The following COL21A1 variants were observed in gnomAD, a reference collection of about 807,000 sequenced individuals.
The protein encoded by COL21A1 is collagen alpha-1(XXI) chain.
In COL21A1, 149 loss-of-function variants were observed where a neutral mutation model predicts 137.9. That is an observed-to-expected ratio of 1.08 (90% CI 0.95 to 1.24). The LOEUF is 1.24. Among genes scored for constraint, COL21A1 ranks in the 50% most tolerant of loss-of-function variants. The probability of loss-of-function intolerance (pLI) is 0.00; values close to 1 mark genes in which losing one functional copy is unlikely to be tolerated. For missense variants in COL21A1, 1,167 were observed against 1,158.4 expected, an observed-to-expected ratio of 1.01 and a Z score of -0.11; for synonymous variants, 456 against 391.5, an observed-to-expected ratio of 1.16 and a Z score of -1.95.
At chr6:56,152,001 G>A (rs735113) in intron 10 of COL21A1, among the ~76,000 whole-genome samples, 5,364 of 152,202 alleles carry the variant, frequency 0.035, 243 homozygotes, top group African/African-American at 0.1. Flanking sequence ...ACAGGATTTG[G>A]GCTGATGTAT....
intron 1 of COL21A1, among the ~76,000 whole-genome samples, chr6:56,365,985 C>A (rs1287583777): frequency 6.6e-6 from 1 of 152,026 alleles, no homozygotes; most frequent in African/African-American, 2.4e-5. Flanking sequence ...TTGGAAAACC[C>A]AAATGTCACA....
At chr6:56,223,822 G>A (rs923645064) in intron 1 of COL21A1, among the ~76,000 whole-genome samples, 1 of 152,028 alleles carries the variant, frequency 6.6e-6, no homozygotes, top group Non-Finnish European at 1.5e-5. Flanking sequence ...CTTATGAGAA[G>A]TAAATTAATT....
At chr6:56,077,481 A>G in intron 18 of COL21A1, 48 bp downstream of exon 18, 1 of 1,255,026 alleles carries the variant, frequency 8.0e-7, no homozygotes, top group Non-Finnish European at 1.1e-6. Flanking sequence ...ACAACAATGC[A>G]TTAAATGAGC....
intron 3 of COL21A1, among the ~76,000 whole-genome samples, chr6:56,173,141 T>C (rs1245532669): frequency 6.6e-6 from 1 of 152,082 alleles, no homozygotes; most frequent in East Asian, 1.9e-4. Flanking sequence ...CTATATACTA[T>C]CTATGAAAGA....
intron 16 of COL21A1, among the ~76,000 whole-genome samples, chr6:56,106,793 G>GTT (rs200099516): frequency 0.15 from 22,885 of 148,520 alleles, 1,756 homozygotes; most frequent in Middle Eastern, 0.22. Context: ...CATTATACAA[G>GTT]TTTTTTTTTT....
At chr6:56,175,411 C>CA (rs568736973) in intron 3 of COL21A1, among the ~76,000 whole-genome samples, 8 of 150,190 alleles carry the variant, frequency 5.3e-5, no homozygotes, top group South Asian at 2.1e-4. Context: ...GACTCCATGC[C>CA]AAAAAAAATG....
intron 17 of COL21A1, among the ~76,000 whole-genome samples, chr6:56,094,123 T>A (rs1245908424): frequency 6.6e-6 from 1 of 152,108 alleles, no homozygotes; most frequent in African/African-American, 2.4e-5. Flanking sequence ...TATCTTTTTC[T>A]CCTCACACTT....
At chr6:56,064,282 T>A (rs1766049541) in intron 24 of COL21A1, among the ~76,000 whole-genome samples, 1 of 152,006 alleles carries the variant, frequency 6.6e-6, no homozygotes, top group Non-Finnish European at 1.5e-5. Flanking sequence ...CTCTGGCCAA[T>A]AACTACCCCC....
At chr6:56,290,498 G>GTTTTTTTTTTTTTTTTTTTTTTTT (rs371058894) in intron 1 of COL21A1, among the ~76,000 whole-genome samples, 1 of 132,960 alleles carries the variant, frequency 7.5e-6, no homozygotes, top group Admixed American at 8.2e-5. Context: ...TCACTTAGGA[G>GTTTTTTTTTTTTTTTTTTTTTTTT]ATTTTTTTTT....
intron 26 of COL21A1, 42 bp from the exon 27 acceptor site, chr6:56,060,837 CATGAGCAAAA>C (rs1562133120): frequency 1.3e-6 from 2 of 1,585,090 alleles, no homozygotes; most frequent in Admixed American, 3.9e-5. Flanking sequence ...ACATAAAGAA[CATGAGCAAAA>C]ATCAATGAAA....
intron 3 of COL21A1, 119 bp from the exon 4 acceptor site, chr6:56,171,247 T>C (rs1777027321): frequency 8.6e-6 from 5 of 584,770 alleles, no homozygotes; most frequent in Middle Eastern, 4.8e-4. Context: ...AAAATCTACA[T>C]ATGTATACAA....
In COL21A1 at chr6:56,236,071, A is replaced by T. The variant is rs187165647; in HGVS notation, c.-39+11316T>A. ...TACATTGAGGAAAGAATACGGCTAC[A>T]TCCTTTCTATTAAGCAACCAATGGC... On this transcript the variant is annotated intron_variant, in intron 1 of 29. Coordinates refer to ENST00000244728, the MANE Select transcript of COL21A1 (RefSeq NM_030820.4). 2.6e-5 allele frequency among the ~76,000 whole-genome samples: 4 copies of T among 152,132 alleles called. No homozygotes were observed. In the East Asian group the frequency reaches 7.7e-4, roughly 29 times the overall value.
At chr6:56,262,900 C>T (rs115748439) in intron 1 of COL21A1, among the ~76,000 whole-genome samples, 16 of 152,300 alleles carry the variant, frequency 1.1e-4, no homozygotes, top group Admixed American at 2.0e-4. Context: ...AGGACACAGA[C>T]CTGGTGTGCT....
At position 56,060,221 on chromosome 6, in the gene COL21A1, T is replaced by G. The variant is rs1259264813; in HGVS notation, c.2408-3A>C. Reference sequence around the variant, plus strand: ...CTGAAGTAAGACTGGTAGCTGGGCTTTCAAAAACAAAGAAACCCCATCCCT... The same window carrying G: ...CTGAAGTAAGACTGGTAGCTGGGCTGTCAAAAACAAAGAAACCCCATCCCT... On this transcript the variant is annotated splice_polypyrimidine_tract_variant and splice_region_variant and intron_variant, in intron 27 of 29. Coordinates refer to ENST00000244728, the MANE Select transcript of COL21A1 (RefSeq NM_030820.4). 1.9e-6 allele frequency: 3 copies of G among 1,586,262 alleles called. No individual in the cohort carries two copies. Among genetic ancestry groups the G allele is most frequent in the Non-Finnish European group, 2.6e-6 (3 of 1,169,340 alleles).
chr6:56,361,594 AAC>A (rs1302550752), intron 1 of COL21A1, among the ~76,000 whole-genome samples: 2 of 152,202 alleles, frequency 1.3e-5, no homozygotes, highest in African/African-American at 4.8e-5. Context: ...AAATCAGAAT[AAC>A]TACAATTTTG....
At chr6:56,381,279 T>C (rs1181175348) in intron 1 of COL21A1, among the ~76,000 whole-genome samples, 1 of 152,170 alleles carries the variant, frequency 6.6e-6, no homozygotes, top group Non-Finnish European at 1.5e-5. Flanking sequence ...ATGCCTCTGG[T>C]TGTTGTGATT....
At chr6:56,058,022 A>C (rs1001778914) in intron 29 of COL21A1, among the ~76,000 whole-genome samples, 178 bp from the exon 30 acceptor site, 3 of 152,170 alleles carry the variant, frequency 2.0e-5, no homozygotes, top group African/African-American at 7.2e-5. Context: ...TTTGAAAAGA[A>C]CCATCCAAAA....
At chr6:56,158,304 G>A (rs1775942428) in intron 9 of COL21A1, among the ~76,000 whole-genome samples, 2 of 71,420 alleles carry the variant, frequency 2.8e-5, no homozygotes, top group Non-Finnish European at 4.9e-5. Flanking sequence ...ATGGGGTCTT[G>A]CTTTGTCACC....
chr6:56,104,353 G>A (rs1319405658), intron 16 of COL21A1, among the ~76,000 whole-genome samples: 7 of 152,168 alleles, frequency 4.6e-5, no homozygotes, highest in Admixed American at 1.3e-4. Flanking sequence ...TATGCAGTTA[G>A]TTATTACAAG....
Sources: allele counts gnomAD v4.1 joint callset (sites outside exome capture counted in the v4.1 genomes callset), GRCh38; gene constraint gnomAD v4.1.1; transcripts MANE v1.5; gene names NCBI Gene and HGNC (gene_info 2026-07-23, HGNC 2026-07-21).